The following SPTB variants were observed in gnomAD, a reference collection of about 807,000 sequenced individuals.
SPTB encodes spectrin beta, erythrocytic.
Under a neutral mutation model 256.2 loss-of-function variants are expected in SPTB, and 45 were observed. The observed-to-expected ratio is 0.18, with a 90% CI of 0.14 to 0.23. The LOEUF (loss-of-function observed/expected upper bound fraction) is 0.23. Among genes scored for constraint, SPTB ranks in the 10% least tolerant of loss-of-function variants. The pLI, the probability that SPTB is intolerant of heterozygous loss-of-function variation, is 1.00. For missense variants in SPTB, 2,715 were observed against 3,040.4 expected (o/e 0.89, Z 2.52); for synonymous variants, 1,231 against 1,243.1 (o/e 0.99, Z 0.21).
chr14:64,856,516 T>C (rs2083875171), intron 1 of SPTB, among the ~76,000 whole-genome samples: 1 of 148,606 alleles, frequency 6.7e-6, no homozygotes. Flanking sequence ...GAAAATTCAG[T>C]CCTGCTAACT....
In SPTB at chr14:64,779,322, G is replaced by A. The variant is rs2357726; in HGVS notation, c.4474-76C>T. ...TTCCTGAGTGCTCACCATGGGCGGC[G>A]CAGAGCTTTGCTGGCAGTGTCTCCC... is the stretch of plus-strand genomic sequence containing the variant. On this transcript the variant is annotated intron_variant, in intron 21 of 35. Coordinates refer to ENST00000644917, the MANE Select transcript of SPTB (RefSeq NM_001355436.2). The surrounding 1 kb of genome is among the most constrained non-coding windows in gnomAD (Gnocchi z 4.2). 0.24 allele frequency: 289,150 copies of A among 1,221,226 alleles called. 40,571 individuals are homozygous for A. Among genetic ancestry groups the A allele is most frequent in the African/African-American group, 0.6 (38,753 of 64,192 alleles). 75.6% of individuals were successfully genotyped at this position (1,221,226 alleles called of 1,614,324 possible). A position where few individuals can be genotyped will look rare whatever the true frequency, so the allele number is the denominator to read the frequency against.
At chr14:64,808,887 C>T (rs2083036315) in intron 2 of SPTB, among the ~76,000 whole-genome samples, 1 of 151,950 alleles carries the variant, frequency 6.6e-6, no homozygotes, top group Admixed American at 6.5e-5. Context: ...TGAGGGGGCA[C>T]CTGGTGAAGA....
rs1480339578 is a variant in SPTB at position 64,824,745 on chromosome 14, G to C, written c.-51-1600C>G. Among the ~76,000 whole-genome samples the C allele has an allele frequency of 2.0e-5, 3 of 152,162 alleles. No individual in the cohort carries two copies. The East Asian group carries it at 5.8e-4, about 29-fold the overall frequency. ...CAGCACACACATGCACATCCACCAG[G>C]CACATGATCACGGAGGCACTGAAGC... On this transcript the variant is annotated intron_variant, in intron 1 of 35. Transcript: ENST00000644917. This position sits in a 1 kb window ranked among gnomAD's most constrained non-coding sequence, Gnocchi z 5.7.
At chr14:64,836,230 C>T (rs555036227) in intron 1 of SPTB, among the ~76,000 whole-genome samples, 139 of 152,254 alleles carry the variant, frequency 9.1e-4, no homozygotes, top group African/African-American at 3.2e-3. Context: ...CTGTTGGGAG[C>T]GTAGCCTCCC....
Position 64,796,340 on chromosome 14 carries a change from G to A in SPTB, c.1341+217C>T, listed in dbSNP as rs2082768437. Among the ~76,000 whole-genome samples the A allele has an allele frequency of 6.6e-6, 1 of 152,160 alleles. No individual in the cohort carries two copies. Among genetic ancestry groups the A allele is most frequent in the Admixed American group, 6.5e-5 (1 of 15,278 alleles). ...CCACATAAGACAACTTCAGCGGCCAGTTCTAGACTCCAAGGCTCTTTCCTA... is the reference window on the plus strand; with the variant it reads ...CCACATAAGACAACTTCAGCGGCCAATTCTAGACTCCAAGGCTCTTTCCTA... On this transcript the variant is annotated intron_variant, in intron 11 of 35. Transcript: ENST00000644917. This position sits in a 1 kb window ranked among gnomAD's most constrained non-coding sequence, Gnocchi z 4.1.
chr14:64,838,759 A>G (rs2083562432), intron 1 of SPTB, among the ~76,000 whole-genome samples: 1 of 152,196 alleles, frequency 6.6e-6, no homozygotes, highest in African/African-American at 2.4e-5. Context: ...TAAACATACC[A>G]TATTTACCAT....
chr14:64,798,631 C>T (rs959672166), intron 9 of SPTB, among the ~76,000 whole-genome samples: 1 of 152,182 alleles, frequency 6.6e-6, no homozygotes, highest in African/African-American at 2.4e-5. Context: ...GAACTGTGAC[C>T]GTGAAGCACT....
intron 1 of SPTB, among the ~76,000 whole-genome samples, chr14:64,854,939 T>C (rs1348943028): frequency 1.3e-5 from 2 of 152,194 alleles, no homozygotes; most frequent in Non-Finnish European, 2.9e-5. Flanking sequence ...GCCCCTCCAA[T>C]GGGCCAGGCT....
At chr14:64,843,410 G>A (rs1396924019) in intron 1 of SPTB, among the ~76,000 whole-genome samples, 1 of 152,086 alleles carries the variant, frequency 6.6e-6, no homozygotes, top group Non-Finnish European at 1.5e-5. Flanking sequence ...CCATAAAAAG[G>A]GGAAAAGATG....
chr14:64,793,942 A>G lies in SPTB; in HGVS notation c.1796-75T>C. ...ATGGGCACGCTTCAGATAAGCTGCT[A>G]GGTTGGAACTACACAACCCTGAAGC... On this transcript the variant is annotated intron_variant, in intron 13 of 35. Transcript: ENST00000644917. This position sits in a 1 kb window ranked among gnomAD's most constrained non-coding sequence, Gnocchi z 7.0. 1 of 1,489,908 alleles carries G rather than the reference A, an allele frequency of 6.7e-7. No homozygotes were observed. The highest frequency in any genetic ancestry group is 2.0e-5 in the Admixed American group (1 of 50,628). 92.3% of individuals were successfully genotyped at this position (1,489,908 alleles called of 1,614,324 possible).
At chr14:64,804,393 C>T (rs2082944125) in intron 3 of SPTB, among the ~76,000 whole-genome samples, 1 of 152,204 alleles carries the variant, frequency 6.6e-6, no homozygotes, top group African/African-American at 2.4e-5. Flanking sequence ...CCTCATTTTA[C>T]ACATGGGGGA....
intron 29 of SPTB, 104 bp from the exon 30 acceptor site, chr14:64,767,963 T>C (rs1480267939): frequency 7.6e-7 from 1 of 1,307,376 alleles, no homozygotes; most frequent in Non-Finnish European, 1.1e-6. Context: ...GTGGCCTGAA[T>C]AGGTGTCCCT....
chr14:64,855,309 C>T (rs380741), intron 1 of SPTB, among the ~76,000 whole-genome samples: 20,668 of 152,198 alleles, frequency 0.14, 2,391 homozygotes, highest in African/African-American at 0.31. Context: ...CAACAGAGGA[C>T]ACCAGCCTAG....
intron 1 of SPTB, among the ~76,000 whole-genome samples, chr14:64,865,981 A>T (rs1205869337): frequency 6.6e-6 from 1 of 152,236 alleles, no homozygotes; most frequent in East Asian, 1.9e-4. Context: ...CCCACCTTGC[A>T]GAGAAAGGCA....
rs370612497 is a variant in SPTB at position 64,875,962 on chromosome 14, A to G, written c.-52+3830T>C. On this transcript the variant is annotated intron_variant, in intron 1 of 35. Transcript: ENST00000644917. ...ATAACAAAGAAACATATTTTAAATCACTTTTTAATTAATTCATGAATTAGA... is the reference window on the plus strand; with the variant it reads ...ATAACAAAGAAACATATTTTAAATCGCTTTTTAATTAATTCATGAATTAGA... Among the ~76,000 whole-genome samples, 80 of 152,280 alleles carry G rather than the reference A, an allele frequency of 5.3e-4. No homozygotes were observed. In the South Asian group the frequency reaches 0.017, roughly 32 times the overall value.
At chr14:64,765,708 A>ATAGGGGGAAAGAGGAGAGGGCTCTGCG (rs2082159404) in intron 32 of SPTB, among the ~76,000 whole-genome samples, 1 of 152,214 alleles carries the variant, frequency 6.6e-6, no homozygotes, top group African/African-American at 2.4e-5. Context: ...AGGGCTCTGC[A>ATAGGGGGAAAGAGGAGAGGGCTCTGCG]TAGGGGGAAA....
chr14:64,747,889 A>AGAGTG lies in SPTB; in HGVS notation c.*1412_*1416dup, dbSNP rs1555364300. 2.1e-5 allele frequency: 3 copies of AGAGTG among 144,796 alleles called. No homozygotes were observed. Among genetic ancestry groups the AGAGTG allele is most frequent in the African/African-American group, 7.7e-5 (3 of 38,912 alleles). 9.0% of individuals were successfully genotyped at this position (144,796 alleles called of 1,614,324 possible). A position where few individuals can be genotyped will look rare whatever the true frequency, so the allele number is the denominator to read the frequency against. Reference sequence around the variant, plus strand: ...GCCAGAACTGTGTTGCTTTCGGAGTAGAGTGGTGGGGAAAATATGGAATGA... The same window carrying AGAGTG: ...GCCAGAACTGTGTTGCTTTCGGAGTAGAGTGGAGTGGTGGGGAAAATATGGAATGA... On this transcript the variant is annotated 3_prime_UTR_variant, in exon 36 of 36. Transcript: ENST00000644917.
At position 64,760,137 on chromosome 14, in the gene SPTB, G is replaced by A. The variant is rs935911579; in HGVS notation, c.6346-6344C>T. Among the ~76,000 whole-genome samples, 5 of 152,088 alleles carry A rather than the reference G, an allele frequency of 3.3e-5. No individual in the cohort carries two copies. Among genetic ancestry groups the A allele is most frequent in the African/African-American group, 9.7e-5 (4 of 41,412 alleles). ...GAGGCCACAGGCTCCCAATGGGTGC[G>A]GGATGGCCATCTCTGGGTCTTTGCA... On this transcript the variant is annotated intron_variant, in intron 32 of 35. Transcript: ENST00000644917. This position sits in a 1 kb window ranked among gnomAD's most constrained non-coding sequence, Gnocchi z 4.3.
At chr14:64,817,585 A>G (rs72625633) in intron 2 of SPTB, among the ~76,000 whole-genome samples, 16,424 of 152,268 alleles carry the variant, frequency 0.11, 1,118 homozygotes, top group African/African-American at 0.19. Flanking sequence ...CAACTTAACA[A>G]AGAAGCTACT....
Sources: gnomAD v4.1 joint callset for allele counts (sites outside exome capture counted in the v4.1 genomes callset) on GRCh38, gnomAD v4.1.1 for gene constraint, Gnocchi (gnomAD v3.1) non-coding constraint, MANE v1.5 for transcripts, NCBI Gene and HGNC (gene_info 2026-07-23, HGNC 2026-07-21) for gene names.